The following TMEM132B variants were observed in gnomAD, a reference collection of about 807,000 sequenced individuals.
The protein encoded by TMEM132B is transmembrane protein 132B.
In TMEM132B, 18 loss-of-function variants were observed where a neutral mutation model predicts 90.8. That is an observed-to-expected ratio of 0.20 (90% CI 0.14 to 0.29). The LOEUF (loss-of-function observed/expected upper bound fraction) is 0.29. Among genes scored for constraint, TMEM132B ranks in the 10% least tolerant of loss-of-function variants. TMEM132B has a pLI of 1.00. For missense variants in TMEM132B, 1,096 were observed against 1,326.8 expected (o/e 0.83, Z 2.70); for synonymous variants, 504 against 523.3 (o/e 0.96, Z 0.50).
chr12:125,469,543 T>C (rs2136493125), intron 3 of TMEM132B, among the ~76,000 whole-genome samples: 1 of 152,258 alleles, frequency 6.6e-6, no homozygotes, highest in South Asian at 2.1e-4. Flanking sequence ...GGGTCTTTGA[T>C]GATGAGGCCA....
chr12:125,515,327 AAAC>A lies in TMEM132B; in HGVS notation c.1107-4107_1107-4105del, dbSNP rs567420159. On this transcript the variant is annotated intron_variant, in intron 3 of 8. Coordinates refer to ENST00000682704, the MANE Select transcript of TMEM132B (RefSeq NM_001366854.1). Reference sequence around the variant, plus strand: ...ACACTATTCACATGTTCTCTTACAGAAACAACACATTCTGTCACACTCACACAC... The same window carrying A: ...ACACTATTCACATGTTCTCTTACAGAAACACATTCTGTCACACTCACACAC... 1.3e-3 allele frequency among the ~76,000 whole-genome samples: 197 copies of A among 152,020 alleles called. 1 individual carries two copies. The highest frequency in any genetic ancestry group is 2.6e-3 in the Admixed American group (39 of 15,252).
chr12:125,489,955 A>G (rs958054203), intron 3 of TMEM132B, among the ~76,000 whole-genome samples: 7 of 152,200 alleles, frequency 4.6e-5, no homozygotes, highest in African/African-American at 9.7e-5. Context: ...GGGACTATCA[A>G]TGACCTTATA....
chr12:125,334,816 C>T (rs745468753), intron 1 of TMEM132B, among the ~76,000 whole-genome samples: 5 of 152,230 alleles, frequency 3.3e-5, no homozygotes, highest in Non-Finnish European at 5.9e-5. Flanking sequence ...ACGACCGTCT[C>T]ATTAGACTTC....
intron 3 of TMEM132B, among the ~76,000 whole-genome samples, chr12:125,433,048 C>T (rs1207337032): frequency 1.3e-5 from 2 of 152,210 alleles, no homozygotes; most frequent in African/African-American, 4.8e-5. Flanking sequence ...AAGCAAGTGT[C>T]GGAGCAGACA....
chr12:125,470,740 G>T (rs143711785), intron 3 of TMEM132B, among the ~76,000 whole-genome samples: 1 of 152,106 alleles, frequency 6.6e-6, no homozygotes. Context: ...GGTCACTCCT[G>T]GGGGGTTTGC....
intron 2 of TMEM132B, among the ~76,000 whole-genome samples, chr12:125,391,956 G>A (rs1879036380): frequency 6.6e-6 from 1 of 151,726 alleles, no homozygotes; most frequent in African/African-American, 2.4e-5. Flanking sequence ...TGTAGAGCTA[G>A]GGTTTCTCTG....
intron 1 of TMEM132B, among the ~76,000 whole-genome samples, chr12:125,207,745 C>T (rs1873215790): frequency 6.6e-6 from 1 of 152,202 alleles, no homozygotes; most frequent in Non-Finnish European, 1.5e-5. Context: ...CCGTTTCTCC[C>T]TTCTCCATTT....
intron 3 of TMEM132B, among the ~76,000 whole-genome samples, chr12:125,420,611 C>CT (rs1880142386): frequency 6.6e-6 from 1 of 152,168 alleles, no homozygotes; most frequent in Non-Finnish European, 1.5e-5. Flanking sequence ...GTGACATGCC[C>CT]TGGAGACATT....
intron 3 of TMEM132B, among the ~76,000 whole-genome samples, chr12:125,496,399 G>C (rs1398997519): frequency 1.3e-5 from 2 of 152,174 alleles, no homozygotes; most frequent in African/African-American, 4.8e-5. Flanking sequence ...TTAAATGCCA[G>C]TTAAGTCACC....
intron 1 of TMEM132B, among the ~76,000 whole-genome samples, chr12:125,344,297 C>T (rs1877288295): frequency 6.6e-6 from 1 of 152,166 alleles, no homozygotes; most frequent in African/African-American, 2.4e-5. Flanking sequence ...GAATTAGTTA[C>T]TCTGGTGCTG....
At chr12:125,429,777 T>G (rs1435082613) in intron 3 of TMEM132B, among the ~76,000 whole-genome samples, 3 of 152,214 alleles carry the variant, frequency 2.0e-5, no homozygotes, top group African/African-American at 7.2e-5. Flanking sequence ...TCAGGGTACA[T>G]GCTACTCACA....
intron 4 of TMEM132B, among the ~76,000 whole-genome samples, chr12:125,533,520 G>A (rs2136702535): frequency 6.6e-6 from 1 of 152,372 alleles, no homozygotes; most frequent in Admixed American, 6.5e-5. Context: ...AGCCCAGCAA[G>A]TCTTTCTCTA....
chr12:125,617,344 CTT>C (rs772003323), intron 5 of TMEM132B, among the ~76,000 whole-genome samples: 167 of 135,170 alleles, frequency 1.2e-3, no homozygotes, highest in African/African-American at 4.1e-3. Context: ...TTTCACTGCC[CTT>C]TTTTTTTTTT....
intron 4 of TMEM132B, among the ~76,000 whole-genome samples, chr12:125,540,918 G>A (rs1592982985): frequency 6.6e-6 from 1 of 152,198 alleles, no homozygotes; most frequent in Admixed American, 6.5e-5. Context: ...ATCACTCTCT[G>A]TTTCCTTGGT....
chr12:125,514,153 C>A (rs745992487), intron 3 of TMEM132B, among the ~76,000 whole-genome samples: 4 of 152,170 alleles, frequency 2.6e-5, no homozygotes, highest in Non-Finnish European at 4.4e-5. Context: ...CGGCTCAAGG[C>A]TCTGCTGGCT....
chr12:125,640,257 G>A (rs979936381), intron 5 of TMEM132B, among the ~76,000 whole-genome samples: 4 of 152,376 alleles, frequency 2.6e-5, no homozygotes, highest in Admixed American at 2.6e-4. Context: ...AATGATGGAG[G>A]TAGGGAGGCC....
intron 4 of TMEM132B, among the ~76,000 whole-genome samples, chr12:125,528,149 T>C (rs571213527): frequency 6.6e-5 from 10 of 152,140 alleles, no homozygotes; most frequent in Admixed American, 2.6e-4. Context: ...TTTTTTTTTT[T>C]CCTCTGAAGG....
intron 1 of TMEM132B, among the ~76,000 whole-genome samples, chr12:125,240,901 G>A (rs897997903): frequency 1.3e-5 from 2 of 152,218 alleles, no homozygotes; most frequent in African/African-American, 4.8e-5. Context: ...CGGAGAGCAC[G>A]TGCTCAATGC....
intron 3 of TMEM132B, among the ~76,000 whole-genome samples, chr12:125,462,094 C>T (rs1436620986): frequency 1.3e-5 from 2 of 152,186 alleles, no homozygotes; most frequent in Admixed American, 6.5e-5. Context: ...TCAACTCCAT[C>T]TGAAGCACGT....
Sources: gnomAD v4.1 joint callset for allele counts (sites outside exome capture counted in the v4.1 genomes callset) on GRCh38, gnomAD v4.1.1 for gene constraint, MANE v1.5 for transcripts, NCBI Gene and HGNC (gene_info 2026-07-23, HGNC 2026-07-21) for gene names.